ACOXL: variants seen among roughly 807,000 people sequenced by gnomAD.
The protein encoded by ACOXL is acyl-CoA oxidase like.
In ACOXL, 70 loss-of-function variants were observed where a neutral mutation model predicts 71.9. That is an observed-to-expected ratio of 0.97 (90% CI 0.80 to 1.19). The LOEUF (loss-of-function observed/expected upper bound fraction) is 1.19, where lower values mean the gene tolerates loss of function less well. Ranked by LOEUF, ACOXL falls within the 50% of genes most tolerant of loss-of-function variation. ACOXL has a pLI of 0.00. For missense variants in ACOXL, 703 were observed against 736.3 expected, an observed-to-expected ratio of 0.95 and a Z score of 0.52; for synonymous variants, 253 against 281.6, an observed-to-expected ratio of 0.90 and a Z score of 1.02.
chr2:110,919,163 C>T (rs1289452284), intron 11 of ACOXL, among the ~76,000 whole-genome samples: 2 of 152,138 alleles, frequency 1.3e-5, no homozygotes, highest in African/African-American at 4.8e-5. Context: ...ATCCAAATGC[C>T]CATCAATGAT....
chr2:111,033,107 C>A (rs894181166), intron 15 of ACOXL, among the ~76,000 whole-genome samples: 2 of 152,204 alleles, frequency 1.3e-5, no homozygotes, highest in African/African-American at 4.8e-5. Context: ...CACCCAGTGA[C>A]CACACTCTGA....
chr2:110,784,794 G>A lies in ACOXL; in HGVS notation c.138G>A (p.Ala46=), dbSNP rs375666693. 43 of 1,607,302 alleles carry A rather than the reference G, an allele frequency of 2.7e-5. No homozygotes were observed. The highest frequency in any genetic ancestry group is 1.7e-4 in the Middle Eastern group (1 of 6,040). The change falls in exon 3 of 18, where the codon GCG becomes GCA. Residue 46 remains alanine (A), a synonymous_variant. Coordinates refer to ENST00000439055, the MANE Select transcript of ACOXL (RefSeq NM_001142807.4). ...SLVIGEVLSM[A]DMATGVKCGI... is the part of the protein sequence containing the mutation. ...TCATAGGAGAAGTCCTCTCCATGGC[G>A]GACATGGCCACAGGAGTGAAGGTGA...
chr2:110,987,321 T>C, intron 13 of ACOXL, 104 bp downstream of exon 13: 1 of 1,033,380 alleles, frequency 9.7e-7, no homozygotes, highest in Admixed American at 2.3e-5. Flanking sequence ...ATTTTTAGTG[T>C]TTGCTGTATG....
intron 14 of ACOXL, among the ~76,000 whole-genome samples, chr2:111,014,413 A>G (rs1558869265): frequency 6.6e-6 from 1 of 152,232 alleles, no homozygotes. Context: ...ATTTAATAGT[A>G]AAACCAAAAC....
rs1681394071 is a variant in ACOXL, at chr2:110,768,405, GT to G, written c.18del (p.Gln7ArgfsTer3). 6.2e-7 allele frequency: 1 copy of G among 1,613,980 alleles called. No individual in the cohort carries two copies. Among genetic ancestry groups the G allele is most frequent in the Non-Finnish European group, 8.5e-7 (1 of 1,180,010 alleles). Reference sequence around the variant, plus strand: ...CTTGGATGAAATGAGAGCTTTGACAGTTCAGAGAGTGAAGTTTGCCATGGAC... The same window carrying G: ...CTTGGATGAAATGAGAGCTTTGACAGTCAGAGAGTGAAGTTTGCCATGGAC... MRALT[V>X]QRVKFAMDLP... is the part of the protein sequence containing the mutation. On this transcript the variant is annotated frameshift_variant, in exon 2 of 18. Coordinates refer to ENST00000439055, the MANE Select transcript of ACOXL (RefSeq NM_001142807.4). LOFTEE classifies it high-confidence loss of function.
intron 10 of ACOXL, among the ~76,000 whole-genome samples, chr2:110,881,170 TAC>T (rs920231970): frequency 1.3e-5 from 2 of 151,694 alleles, no homozygotes; most frequent in African/African-American, 2.4e-5. Context: ...TGTGTATATA[TAC>T]ACACATATAT....
chr2:110,809,995 G>A (rs971574589), intron 9 of ACOXL, among the ~76,000 whole-genome samples: 4 of 152,204 alleles, frequency 2.6e-5, no homozygotes, highest in Non-Finnish European at 4.4e-5. Context: ...TCACCAGGGT[G>A]TCTGGCTCCT....
chr2:110,950,836 G>GAGAGAGAGAGAGAGAGAGAGA (rs2061306410), intron 12 of ACOXL, among the ~76,000 whole-genome samples: 1 of 95,774 alleles, frequency 1.0e-5, no homozygotes, highest in East Asian at 3.2e-4. Context: ...AGAGAGAGAG[G>GAGAGAGAGAGAGAGAGAGAGA]GAAGTTCTGG....
intron 2 of ACOXL, among the ~76,000 whole-genome samples, chr2:110,773,929 G>A (rs896931387): frequency 4.6e-5 from 7 of 152,202 alleles, no homozygotes; most frequent in African/African-American, 7.2e-5. Flanking sequence ...TAGCCACAGG[G>A]ATTACTTGAA....
chr2:110,838,593 G>A (rs1690745039), intron 9 of ACOXL, among the ~76,000 whole-genome samples: 1 of 152,168 alleles, frequency 6.6e-6, no homozygotes, highest in Non-Finnish European at 1.5e-5. Context: ...TTTCTCTGTA[G>A]GAATGAGGAA....
At chr2:110,953,689 GA>G (rs890190678) in intron 12 of ACOXL, among the ~76,000 whole-genome samples, 40 of 150,706 alleles carry the variant, frequency 2.7e-4, no homozygotes, top group Admixed American at 1.9e-3. Flanking sequence ...GATAATTTAT[GA>G]AAAAAAAAGA....
intron 12 of ACOXL, among the ~76,000 whole-genome samples, chr2:110,986,518 G>A (rs2062939726): frequency 6.6e-6 from 1 of 152,192 alleles, no homozygotes; most frequent in African/African-American, 2.4e-5. Flanking sequence ...CTGGTCCAAG[G>A]TGGCCTCGTT....
At chr2:110,983,390 G>A (rs1229894948) in intron 12 of ACOXL, among the ~76,000 whole-genome samples, 1 of 152,182 alleles carries the variant, frequency 6.6e-6, no homozygotes, top group Non-Finnish European at 1.5e-5. Flanking sequence ...TCATCATTCT[G>A]CACAATTGCC....
intron 1 of ACOXL, among the ~76,000 whole-genome samples, chr2:110,742,298 C>T (rs1412772447): frequency 6.6e-6 from 1 of 152,204 alleles, no homozygotes; most frequent in Non-Finnish European, 1.5e-5. Flanking sequence ...TGTACTCTGA[C>T]ATGTGACTTT....
intron 11 of ACOXL, among the ~76,000 whole-genome samples, chr2:110,913,159 GT>G (rs918341825): frequency 2.6e-5 from 4 of 152,302 alleles, no homozygotes; most frequent in African/African-American, 9.6e-5. Flanking sequence ...TGGTGGTAAT[GT>G]AAAATGGTAT....
At chr2:111,037,159 T>C (rs3789084) in intron 15 of ACOXL, among the ~76,000 whole-genome samples, 26,808 of 152,106 alleles carry the variant, frequency 0.18, 2,552 homozygotes, top group Middle Eastern at 0.23. Context: ...TGGGGTTCCC[T>C]CCCCAAGCTT....
chr2:110,986,238 A>G (rs1338655048), intron 12 of ACOXL, among the ~76,000 whole-genome samples: 1 of 152,268 alleles, frequency 6.6e-6, no homozygotes, highest in Non-Finnish European at 1.5e-5. Flanking sequence ...ATAACATTTT[A>G]TATAATCTGT....
At chr2:111,089,161 A>G (rs1025721847) in intron 16 of ACOXL, among the ~76,000 whole-genome samples, 3 of 152,152 alleles carry the variant, frequency 2.0e-5, no homozygotes, top group African/African-American at 7.2e-5. Context: ...TTAGCTGGGC[A>G]TGGTGGCGTG....
At chr2:110,884,458 C>G (rs1003699953) in intron 10 of ACOXL, among the ~76,000 whole-genome samples, 1 of 152,134 alleles carries the variant, frequency 6.6e-6, no homozygotes, top group Admixed American at 6.5e-5. Flanking sequence ...CAATATAATA[C>G]TTTTACCAAA....
Sources: gnomAD v4.1 joint callset for allele counts (sites outside exome capture counted in the v4.1 genomes callset) on GRCh38, gnomAD v4.1.1 for gene constraint, MANE v1.5 for transcripts, NCBI Gene and HGNC (gene_info 2026-07-23, HGNC 2026-07-21) for gene names.